TRIP10: variants seen among roughly 807,000 people sequenced by gnomAD.
TRIP10 encodes thyroid hormone receptor interactor 10.
TRIP10 carries 54 observed loss-of-function variants against 80.9 expected under a neutral mutation model. That is an observed-to-expected ratio of 0.67 (90% confidence interval 0.54 to 0.84). TRIP10 has a LOEUF of 0.84. Ranked by LOEUF, TRIP10 falls within the 40% of genes least tolerant of loss-of-function variation. The pLI, the probability that TRIP10 is intolerant of heterozygous loss-of-function variation, is 0.00. For synonymous variants in TRIP10, 321 were observed against 307.2 expected (o/e 1.04, Z -0.47); for missense variants, 773 against 815.3 (o/e 0.95, Z 0.63).
chr19:6,739,901 G>A, intron 1 of TRIP10, 116 bp downstream of exon 1: 2 of 1,217,614 alleles, frequency 1.6e-6, no homozygotes, highest in Non-Finnish European at 1.1e-6. Flanking sequence ...CGACCCCTGG[G>A]TCCCCGCCCT....
chr19:6,750,368 AC>A lies in TRIP10; in HGVS notation c.1479del (p.Ala494LeufsTer49). The A allele has an allele frequency of 6.2e-7, 1 of 1,613,410 alleles. No individual in the cohort carries two copies. On this transcript the variant is annotated frameshift_variant, in exon 13 of 15. Transcript: ENST00000313244. LOFTEE classifies it high-confidence loss of function. ...DSLSRHARPP[D>X]PPASAPPDSS... Reference sequence around the variant, plus strand: ...CTGAGCCGGCACGCCCGGCCTCCCGACCCCCCCGCTAGCGCCCCGCCAGACA... The same window carrying A: ...CTGAGCCGGCACGCCCGGCCTCCCGACCCCCCGCTAGCGCCCCGCCAGACA...
chr19:6,744,027 GT>G lies in TRIP10; in HGVS notation c.642+194del. The G allele has an allele frequency of 1.3e-6, 1 of 791,738 alleles. No individual in the cohort carries two copies. 49.0% of individuals were successfully genotyped at this position (791,738 alleles called of 1,614,324 possible). A position where few individuals can be genotyped will look rare whatever the true frequency, so the allele number is the denominator to read the frequency against. On this transcript the variant is annotated intron_variant, in intron 7 of 14. Coordinates refer to ENST00000313244, the MANE Select transcript of TRIP10 (RefSeq NM_001288962.2). This position sits in a 1 kb window ranked among gnomAD's most constrained non-coding sequence, Gnocchi z 4.9. ...TGCTGGGCATGCCTTTTACTTGTTT[GT>G]TTATTTACTTCTATAGAGAGATGGG...
At position 6,746,937 on chromosome 19, in the gene TRIP10, G is replaced by T. The variant is rs142932737; in HGVS notation, c.1262+376G>T. Among the ~76,000 whole-genome samples, 1 of 152,132 alleles carries T rather than the reference G, an allele frequency of 6.6e-6. No homozygotes were observed. The highest frequency in any genetic ancestry group is 2.4e-5 in the African/African-American group (1 of 41,434). On this transcript the variant is annotated intron_variant, in intron 11 of 14. Coordinates refer to ENST00000313244, the MANE Select transcript of TRIP10 (RefSeq NM_001288962.2). The surrounding 1 kb of genome is among the most constrained non-coding windows in gnomAD (Gnocchi z 6.2). ...GGATTATAGGCATGAGCCACTGCCC[G>T]GGTCTGTAAATGAATGACATTTAAA...
intron 3 of TRIP10, 137 bp downstream of exon 3, chr19:6,741,418 G>A: frequency 9.7e-7 from 1 of 1,036,024 alleles, no homozygotes; most frequent in Non-Finnish European, 1.4e-6. Context: ...GATGCAAGAT[G>A]CGGGATTATC....
chr19:6,745,731 G>A lies in TRIP10; in HGVS notation c.985-298G>A, dbSNP rs1031738760. 2 of 985,058 alleles carry A rather than the reference G, an allele frequency of 2.0e-6. No homozygotes were observed. The highest frequency in any genetic ancestry group is 9.4e-5 in the South Asian group (2 of 21,280). 61.0% of individuals were successfully genotyped at this position (985,058 alleles called of 1,614,324 possible). On this transcript the variant is annotated intron_variant, in intron 9 of 14. Coordinates refer to ENST00000313244, the MANE Select transcript of TRIP10 (RefSeq NM_001288962.2). The surrounding 1 kb of genome is among the most constrained non-coding windows in gnomAD (Gnocchi z 7.2). ...CGGACATAACATTCCAGAGACCTAGGAGATACCGGGGGAGTGAGAGTTCTG... is the reference window on the plus strand; with the variant it reads ...CGGACATAACATTCCAGAGACCTAGAAGATACCGGGGGAGTGAGAGTTCTG...
rs1360261919 is a variant in TRIP10, at chr19:6,741,055, C to T, written c.70C>T (p.Leu24=). The change falls in exon 2 of 15, where the codon CTG becomes TTG. Residue 24 remains leucine (L), a synonymous_variant. Coordinates refer to ENST00000313244, the MANE Select transcript of TRIP10 (RefSeq NM_001288962.2). The stretch of plus-strand genomic sequence containing the variant: ...GCGCCACACGCAGTGGGGGCTGGAC[C>T]TGTTGGACAGATATGTAAAGTTCGT... ...LERHTQWGLD[L]LDRYVKFVKE... is the part of the protein sequence containing the mutation. The T allele has an allele frequency of 6.2e-7, 1 of 1,614,022 alleles. No homozygotes were observed. Among genetic ancestry groups the T allele is most frequent in the Admixed American group, 1.7e-5 (1 of 60,030 alleles).
Position 6,745,018 on chromosome 19 carries a change from G to C in TRIP10, c.984+24G>C, listed in dbSNP as rs200083215. 2.1e-4 allele frequency: 332 copies of C among 1,607,598 alleles called. No individual in the cohort carries two copies. The African/African-American group carries it at 4.1e-3, about 20-fold the overall frequency. On this transcript the variant is annotated intron_variant, in intron 9 of 14. Coordinates refer to ENST00000313244, the MANE Select transcript of TRIP10 (RefSeq NM_001288962.2). This position sits in a 1 kb window ranked among gnomAD's most constrained non-coding sequence, Gnocchi z 7.2. ...AGGTGGGGGCCGGGACCCTTGGGAT[G>C]GTGGGGGAGAAGGACAGTGAAGTGG...
In TRIP10 at chr19:6,746,062, C is replaced by T. The variant is rs1969115917; in HGVS notation, c.1018C>T (p.Pro340Ser). 1.4e-6 allele frequency: 2 copies of T among 1,416,260 alleles called. No homozygotes were observed. Among genetic ancestry groups the T allele is most frequent in the South Asian group, 1.3e-5 (1 of 75,214 alleles). 87.7% of individuals were successfully genotyped at this position (1,416,260 alleles called of 1,614,324 possible). ...CCCACCCCTCTCCCCCCTGGGGGGCCCCGTACCCTCGGCATTGCCTAACGG... is the reference window on the plus strand; with the variant it reads ...CCCACCCCTCTCCCCCCTGGGGGGCTCCGTACCCTCGGCATTGCCTAACGG... ...RPPPLSPLGG[P>S]VPSALPNGPP... is the part of the protein sequence containing the mutation. Residue 340 changes from proline (P) to serine (S), a missense_variant, in exon 10 of 15, where the codon CCC (proline) becomes TCC (serine). By Grantham distance (74) the Pro-to-Ser change is moderately conservative (BLOSUM62 -1). Transcript: ENST00000313244. This position sits in a 1 kb window ranked among gnomAD's most constrained non-coding sequence, Gnocchi z 6.2.
chr19:6,744,948 C>T lies in TRIP10; in HGVS notation c.938C>T (p.Pro313Leu), dbSNP rs769300556. 62 of 1,613,894 alleles carry T rather than the reference C, an allele frequency of 3.8e-5. 1 individual carries two copies. In the Middle Eastern group the frequency reaches 4.9e-4, roughly 13 times the overall value. Residue 313 changes from proline to leucine, a missense_variant, in exon 9 of 15, where the codon CCG becomes CTG. Pro to Leu is a moderately conservative substitution (Grantham distance 98, BLOSUM62 -3). Coordinates refer to ENST00000313244, the MANE Select transcript of TRIP10 (RefSeq NM_001288962.2). This position sits in a 1 kb window ranked among gnomAD's most constrained non-coding sequence, Gnocchi z 4.9. ...GATGGACGGCCTGAACTCCGAGGCC[C>T]GGGTCGCAGCCGCACCAAGCGCTGG... ...PSDGRPELRG[P>L]GRSRTKRWPF...
Position 6,744,885 on chromosome 19 carries a change from A to G in TRIP10, c.875A>G (p.Asn292Ser), listed in dbSNP as rs188886975. The change falls in exon 9 of 15, where the codon AAC (asparagine) becomes AGC (serine). Residue 292 changes from asparagine to serine, a missense_variant. Asn to Ser is a conservative substitution (Grantham distance 46). Coordinates refer to ENST00000313244, the MANE Select transcript of TRIP10 (RefSeq NM_001288962.2). This position sits in a 1 kb window ranked among gnomAD's most constrained non-coding sequence, Gnocchi z 4.9. ...VEFEDFSQPMNRAPSDSSLGT... is the reference protein window; with the variant it reads ...VEFEDFSQPMSRAPSDSSLGT... ...TTCGAGGACTTCAGCCAGCCCATGA[A>G]CCGTGCACCCTCCGACAGCAGTCTG... is the stretch of plus-strand genomic sequence containing the variant. 1.2e-6 allele frequency: 2 copies of G among 1,614,210 alleles called. No individual in the cohort carries two copies. Among genetic ancestry groups the G allele is most frequent in the East Asian group, 4.5e-5 (2 of 44,880 alleles).
chr19:6,749,949 A>G lies in TRIP10; in HGVS notation c.1278A>G (p.Lys426=), dbSNP rs1015389154. Reference sequence around the variant, plus strand: ...CTTGTCATAGGGAAGCCCTAAAGAAAATGAAGGATGTCTATGAGAAGACAC... The same window carrying G: ...CTTGTCATAGGGAAGCCCTAAAGAAGATGAAGGATGTCTATGAGAAGACAC... ...KEVDQREALK[K]MKDVYEKTPQ... is the part of the protein sequence containing the mutation. The change falls in exon 12 of 15, where the codon AAA becomes AAG. Residue 426 remains lysine, a synonymous_variant. Coordinates refer to ENST00000313244, the MANE Select transcript of TRIP10 (RefSeq NM_001288962.2). 6.8e-6 allele frequency: 11 copies of G among 1,613,812 alleles called. No individual in the cohort carries two copies. The African/African-American group carries it at 9.3e-5, about 14-fold the overall frequency.
In TRIP10 at chr19:6,750,420, C is replaced by T. The variant is rs1447090787; in HGVS notation, c.1524C>T (p.Asp508=). 7 of 1,614,116 alleles carry T rather than the reference C, an allele frequency of 4.3e-6. No homozygotes were observed. Among genetic ancestry groups the T allele is most frequent in the Non-Finnish European group, 5.9e-6 (7 of 1,179,988 alleles). The change falls in exon 13 of 15, where the codon GAC becomes GAT. Residue 508 remains aspartate (D), a synonymous_variant. Transcript: ENST00000313244. ...PDSSSNSASQ[D]TKESSEEPPS... ...GCAGCAGCAACAGCGCATCACAGGA[C>T]ACCAAGGAGAGGTGAGGGGTGACGT...
rs1382481623 is a variant in TRIP10 at position 6,749,927 on chromosome 19, G to A, written c.1263-7G>A. On this transcript the variant is annotated splice_region_variant and splice_polypyrimidine_tract_variant and intron_variant, in intron 11 of 14. Coordinates refer to ENST00000313244, the MANE Select transcript of TRIP10 (RefSeq NM_001288962.2). ...TTTTCCTGTCTATCCTGTCTCCCTT[G>A]TCATAGGGAAGCCCTAAAGAAAATG... 6.2e-7 allele frequency: 1 copy of A among 1,613,160 alleles called. No homozygotes were observed. The highest frequency in any genetic ancestry group is 1.3e-5 in the African/African-American group (1 of 74,960).
rs199975595 is a variant in TRIP10 at position 6,741,024 on chromosome 19, G to A, written c.39G>A (p.Val13=). The A allele has an allele frequency of 1.9e-6, 3 of 1,613,740 alleles. No individual in the cohort carries two copies. The African/African-American group carries it at 4.0e-5, about 21-fold the overall frequency. ...TCCCATGTCAGGATCAGTTCGAGGT[G>A]CTCGAGCGCCACACGCAGTGGGGGC... is the stretch of plus-strand genomic sequence containing the variant. ...WGTELWDQFE[V]LERHTQWGLD... Residue 13 remains valine, a synonymous_variant, in exon 2 of 15, where the codon GTG becomes GTA. Coordinates refer to ENST00000313244, the MANE Select transcript of TRIP10 (RefSeq NM_001288962.2).
rs556105133 is a variant in TRIP10 at position 6,747,693 on chromosome 19, T to G, written c.1262+1132T>G. ...CTGTAATTCCAGCTACTCGGGAGGC[T>G]GAGGTGGGAGAATCGCTTGAACCTG... On this transcript the variant is annotated intron_variant, in intron 11 of 14. Transcript: ENST00000313244. Among the ~76,000 whole-genome samples, 4 of 152,226 alleles carry G rather than the reference T, an allele frequency of 2.6e-5. No individual in the cohort carries two copies. In the East Asian group the frequency reaches 5.8e-4, roughly 22 times the overall value.
chr19:6,744,673 G>T lies in TRIP10; in HGVS notation c.762G>T (p.Val254=). 1.2e-6 allele frequency: 2 copies of T among 1,608,334 alleles called. No individual in the cohort carries two copies. The highest frequency in any genetic ancestry group is 1.7e-6 in the Non-Finnish European group (2 of 1,176,862). ...IIAKCLEGMK[V]AANAVDPKND... ...CCAAGTGCTTGGAGGGCATGAAGGT[G>T]GCTGCAAATGCTGTGGATCCCAAGA... Residue 254 remains valine (V), a synonymous_variant, in exon 8 of 15, where the codon GTG becomes GTT. Transcript: ENST00000313244. The surrounding 1 kb of genome is among the most constrained non-coding windows in gnomAD (Gnocchi z 4.9).
At position 6,751,481 on chromosome 19, in the gene TRIP10, T is replaced by TG. The variant is rs374645267; in HGVS notation, c.*273dup. 3 of 762,296 alleles carry TG rather than the reference T, an allele frequency of 3.9e-6. No individual in the cohort carries two copies. Among genetic ancestry groups the TG allele is most frequent in the South Asian group, 5.8e-5 (1 of 17,162 alleles). 47.2% of individuals were successfully genotyped at this position (762,296 alleles called of 1,614,324 possible). A position where few individuals can be genotyped will look rare whatever the true frequency, so the allele number is the denominator to read the frequency against. ...CCGGCCATTTTGTTTTATACAAAAATGGGAAAAAAAAAAAAGAAATTATAT... is the reference window on the plus strand; with the variant it reads ...CCGGCCATTTTGTTTTATACAAAAATGGGGAAAAAAAAAAAAGAAATTATAT... On this transcript the variant is annotated 3_prime_UTR_variant, in exon 15 of 15. Coordinates refer to ENST00000313244, the MANE Select transcript of TRIP10 (RefSeq NM_001288962.2).
Position 6,750,665 on chromosome 19 carries a change from A to G in TRIP10, c.1657+32A>G, listed in dbSNP as rs533222770. On this transcript the variant is annotated intron_variant, in intron 14 of 14. Coordinates refer to ENST00000313244, the MANE Select transcript of TRIP10 (RefSeq NM_001288962.2). Reference sequence around the variant, plus strand: ...ACGGCCAGAGTGGGCTTGGCGGGGTATGGGAGGCAGTGTCTCTGGCTAGGT... The same window carrying G: ...ACGGCCAGAGTGGGCTTGGCGGGGTGTGGGAGGCAGTGTCTCTGGCTAGGT... 2.5e-6 allele frequency: 4 copies of G among 1,611,804 alleles called. No individual in the cohort carries two copies. The South Asian group carries it at 4.4e-5, about 18-fold the overall frequency.
intron 3 of TRIP10, among the ~76,000 whole-genome samples, chr19:6,741,628 T>C (rs1968920058): frequency 6.6e-6 from 1 of 152,158 alleles, no homozygotes; most frequent in Non-Finnish European, 1.5e-5. Flanking sequence ...TTCCTCCAGC[T>C]TTGTAGGGCT....
Sources: gnomAD v4.1 joint callset for allele counts (sites outside exome capture counted in the v4.1 genomes callset) on GRCh38, gnomAD v4.1.1 for gene constraint, Gnocchi (gnomAD v3.1) non-coding constraint, MANE v1.5 for transcripts, NCBI Gene and HGNC (gene_info 2026-07-23, HGNC 2026-07-21) for gene names.